The following ESCO1 variants were observed in gnomAD, a reference collection of about 807,000 sequenced individuals.
ESCO1 encodes establishment of sister chromatid cohesion N-acetyltransferase 1.
ESCO1 carries 33 observed loss-of-function variants against 83.5 expected under a neutral mutation model. The observed-to-expected ratio is 0.40, with a 90% CI of 0.30 to 0.53. ESCO1 has a LOEUF of 0.53. Ranked by LOEUF, ESCO1 falls within the 20% of genes least tolerant of loss-of-function variation. The pLI, the probability that ESCO1 is intolerant of heterozygous loss-of-function variation, is 0.63. For missense variants in ESCO1, 855 were observed against 968.0 expected (o/e 0.88, Z 1.55); for synonymous variants, 332 against 324.3 (o/e 1.02, Z -0.25).
chr18:21,536,024 C>G lies in ESCO1; in HGVS notation c.2187+18G>C. On this transcript the variant is annotated intron_variant, in intron 10 of 11. Coordinates refer to ENST00000269214, the MANE Select transcript of ESCO1 (RefSeq NM_052911.3). The stretch of plus-strand genomic sequence containing the variant: ...CATTAAACACCAAATTACTTAAGAA[C>G]ACTCTTTTATCACTTACCCATTGGA... The G allele has an allele frequency of 1.2e-6, 2 of 1,609,496 alleles. No homozygotes were observed. The highest frequency in any genetic ancestry group is 1.7e-6 in the Non-Finnish European group (2 of 1,178,104).
chr18:21,573,555 T>A lies in ESCO1; in HGVS notation c.1289A>T (p.His430Leu). The part of the protein sequence containing the change: ...TSFSPPALEM[H>L]HPVTQSTFLG... ...AAACGTACTTTGAGTCACTGGATGA[T>A]GCATTTCTAAAGCTGGTGGTGAAAA... The change falls in exon 4 of 12, where the codon CAT becomes CTT. Residue 430 changes from histidine to leucine, a missense_variant. Transcript: ENST00000269214. The A allele has an allele frequency of 6.2e-7, 1 of 1,614,162 alleles. No homozygotes were observed. Among genetic ancestry groups the A allele is most frequent in the South Asian group, 1.1e-5 (1 of 91,078 alleles).
intron 8 of ESCO1, among the ~76,000 whole-genome samples, chr18:21,549,245 T>C (rs1006243191): frequency 1.2e-4 from 18 of 152,182 alleles, no homozygotes; most frequent in Non-Finnish European, 5.9e-5. Flanking sequence ...TGAACCTGAA[T>C]ATGGTATCTG....
At chr18:21,564,413 C>T (rs1351817802) in intron 6 of ESCO1, 96 bp from the exon 7 acceptor site, 10 of 833,742 alleles carry the variant, frequency 1.2e-5, no homozygotes, top group Admixed American at 8.9e-5. Context: ...TTTTTTGAGA[C>T]GAAGTCTCAC....
chr18:21,579,630 G>T (rs2038465177), intron 2 of ESCO1, among the ~76,000 whole-genome samples: 1 of 148,870 alleles, frequency 6.7e-6, no homozygotes, highest in South Asian at 2.2e-4. Flanking sequence ...AAATTAGCTG[G>T]GCATGGAGGC....
intron 7 of ESCO1, among the ~76,000 whole-genome samples, chr18:21,562,600 C>T (rs941480395): frequency 1.3e-5 from 2 of 151,726 alleles, no homozygotes; most frequent in East Asian, 3.9e-4. Context: ...TGTGATCACA[C>T]CATTGCACTC....
At chr18:21,572,435 A>T (rs2038353524) in intron 4 of ESCO1, among the ~76,000 whole-genome samples, 1 of 152,194 alleles carries the variant, frequency 6.6e-6, no homozygotes, top group Non-Finnish European at 1.5e-5. Flanking sequence ...TTTATTCCAG[A>T]TACAAGATTC....
chr18:21,550,647 T>C (rs2038033326), intron 8 of ESCO1, among the ~76,000 whole-genome samples: 1 of 152,220 alleles, frequency 6.6e-6, no homozygotes, highest in South Asian at 2.1e-4. Flanking sequence ...AAAAGACTCA[T>C]GGTCCAAATT....
chr18:21,592,211 C>T (rs1257294157), intron 1 of ESCO1, among the ~76,000 whole-genome samples: 3 of 149,930 alleles, frequency 2.0e-5, no homozygotes, highest in Non-Finnish European at 3.0e-5. Flanking sequence ...GGGTGGTGGC[C>T]GGGCAGAGGG....
chr18:21,560,728 C>T lies in ESCO1; in HGVS notation c.1953+131G>A, dbSNP rs1233525118. The T allele has an allele frequency of 2.0e-5, 21 of 1,075,064 alleles. No homozygotes were observed. The Admixed American group carries it at 2.9e-4, about 15-fold the overall frequency. The allele number at this position is 1,075,064 out of a possible 1,614,324, so 66.6% of individuals were successfully genotyped here. A position where few individuals can be genotyped will look rare whatever the true frequency, so the allele number is the denominator to read the frequency against. ...TTAAAAAGCCAGTATACATACTACACGTGCTTTGTACATATTATTATCTCT... is the reference window on the plus strand; with the variant it reads ...TTAAAAAGCCAGTATACATACTACATGTGCTTTGTACATATTATTATCTCT... On this transcript the variant is annotated intron_variant, in intron 8 of 11. Coordinates refer to ENST00000269214, the MANE Select transcript of ESCO1 (RefSeq NM_052911.3).
intron 1 of ESCO1, among the ~76,000 whole-genome samples, chr18:21,585,140 CAAA>C (rs34965491): frequency 7.0e-5 from 8 of 113,502 alleles, no homozygotes; most frequent in South Asian, 6.0e-4. Flanking sequence ...GACTCCATCT[CAAA>C]AAAAAAAAAA....
intron 1 of ESCO1, among the ~76,000 whole-genome samples, chr18:21,595,942 C>T (rs994647524): frequency 2.6e-5 from 4 of 151,418 alleles, no homozygotes; most frequent in South Asian, 2.1e-4. Flanking sequence ...CCACCCTGGG[C>T]GACAGAGCGA....
chr18:21,572,675 T>A (rs1294624974), intron 4 of ESCO1, among the ~76,000 whole-genome samples: 2 of 152,094 alleles, frequency 1.3e-5, no homozygotes, highest in East Asian at 3.9e-4. Context: ...TCAAAAGTAG[T>A]CCCTAAAGGC....
intron 1 of ESCO1, among the ~76,000 whole-genome samples, chr18:21,587,198 C>G (rs945528091): frequency 1.1e-4 from 16 of 152,110 alleles, no homozygotes; most frequent in African/African-American, 3.6e-4. Context: ...CTGTAGTTTT[C>G]TTGTGATGTC....
At chr18:21,558,582 A>G (rs1367029093) in intron 8 of ESCO1, among the ~76,000 whole-genome samples, 1 of 152,100 alleles carries the variant, frequency 6.6e-6, no homozygotes, top group Non-Finnish European at 1.5e-5. Context: ...TACAAAAATT[A>G]GCTGGGAGTG....
At chr18:21,533,949 T>C (rs1183773982) in intron 10 of ESCO1, among the ~76,000 whole-genome samples, 1 of 152,130 alleles carries the variant, frequency 6.6e-6, no homozygotes, top group Non-Finnish European at 1.5e-5. Flanking sequence ...ATGCTGCCCA[T>C]GCTGGAGTGC....
intron 1 of ESCO1, among the ~76,000 whole-genome samples, chr18:21,588,443 T>TAA (rs71371361): frequency 1.8e-4 from 26 of 141,728 alleles, no homozygotes; most frequent in Non-Finnish European, 1.8e-4. Context: ...TACTTTACTC[T>TAA]AAAAAAAAAA....
chr18:21,536,304 T>C (rs1437463578), intron 9 of ESCO1, 119 bp from the exon 10 acceptor site: 10 of 1,184,670 alleles, frequency 8.4e-6, no homozygotes, highest in Non-Finnish European at 1.2e-5. Context: ...AAAGAGTTCT[T>C]TTGGGCTGGG....
At chr18:21,569,915 T>G (rs147251928) in intron 4 of ESCO1, among the ~76,000 whole-genome samples, 175 of 152,194 alleles carry the variant, frequency 1.1e-3, no homozygotes, top group Non-Finnish European at 2.1e-3. Flanking sequence ...AAATGGAAAC[T>G]TCTTAAGGGC....
At chr18:21,541,255 T>C (rs891720520) in intron 8 of ESCO1, among the ~76,000 whole-genome samples, 1 of 152,146 alleles carries the variant, frequency 6.6e-6, no homozygotes, top group Non-Finnish European at 1.5e-5. Context: ...GAAGTCCTTT[T>C]TTCATCTAAG....
Sources: gnomAD v4.1 joint callset for allele counts (sites outside exome capture counted in the v4.1 genomes callset) on GRCh38, gnomAD v4.1.1 for gene constraint, MANE v1.5 for transcripts, NCBI Gene and HGNC (gene_info 2026-07-23, HGNC 2026-07-21) for gene names.